The following MAPK8 variants were observed in gnomAD, a reference collection of about 807,000 sequenced individuals.
The protein encoded by MAPK8 is mitogen-activated protein kinase 8.
Under a neutral mutation model 52.9 loss-of-function variants are expected in MAPK8, and 13 were observed. The observed-to-expected ratio is 0.25, with a 90% CI of 0.16 to 0.39. The LOEUF is 0.39. Ranked by LOEUF, MAPK8 falls within the 10% of genes least tolerant of loss-of-function variation. The pLI is 1.00. For synonymous variants in MAPK8, 191 were observed against 169.8 expected (o/e 1.12, Z -0.97); for missense variants, 300 against 519.2 (o/e 0.58, Z 4.10).
Position 48,415,104 on chromosome 10 carries a change from A to G in MAPK8, c.450+4936A>G, listed in dbSNP as rs564375593. 2.2e-4 allele frequency among the ~76,000 whole-genome samples: 33 copies of G among 152,294 alleles called. No homozygotes were observed. The South Asian group carries it at 5.0e-3, about 23-fold the overall frequency. On this transcript the variant is annotated intron_variant, in intron 5 of 11. Coordinates refer to ENST00000374189, the MANE Select transcript of MAPK8 (RefSeq NM_001323329.2). ...AGTGAATTCCTTGTATATTACATAT[A>G]CAGCTGCTCTAATCATTTGTCTAAT... is the stretch of plus-strand genomic sequence containing the variant.
chr10:48,434,091 G>A (rs1849434145), intron 11 of MAPK8, among the ~76,000 whole-genome samples: 1 of 152,154 alleles, frequency 6.6e-6, no homozygotes, highest in Admixed American at 6.5e-5. Flanking sequence ...GAGGATTTCT[G>A]TCTCGAGCTC....
chr10:48,419,547 G>A (rs2043236083), intron 5 of MAPK8, among the ~76,000 whole-genome samples: 1 of 152,132 alleles, frequency 6.6e-6, no homozygotes, highest in Admixed American at 6.5e-5. Context: ...TGGCACCAAG[G>A]CAATGGTGTC....
intron 1 of MAPK8, among the ~76,000 whole-genome samples, chr10:48,383,525 A>G (rs2041137811): frequency 6.6e-6 from 1 of 152,226 alleles, no homozygotes; most frequent in Admixed American, 6.5e-5. Context: ...GTTGTTCTAA[A>G]GAATTTTAAC....
chr10:48,403,064 G>T (rs1266412466), intron 2 of MAPK8, among the ~76,000 whole-genome samples: 5 of 152,080 alleles, frequency 3.3e-5, no homozygotes, highest in African/African-American at 4.8e-5. Flanking sequence ...ATGTACAAAA[G>T]ATTAAAACAT....
intron 5 of MAPK8, among the ~76,000 whole-genome samples, chr10:48,415,460 A>G (rs2043013428): frequency 6.6e-6 from 1 of 152,234 alleles, no homozygotes; most frequent in Non-Finnish European, 1.5e-5. Context: ...CAAAAGAGCA[A>G]TATTTATGGT....
chr10:48,424,687 T>C (rs1218293531), intron 7 of MAPK8: 2 of 618,764 alleles, frequency 3.2e-6, no homozygotes, highest in Non-Finnish European at 5.4e-6. Context: ...CCCTAATATA[T>C]TGTTAAATTA....
intron 5 of MAPK8, among the ~76,000 whole-genome samples, chr10:48,412,118 T>C (rs1295516762): frequency 6.6e-6 from 1 of 152,220 alleles, no homozygotes; most frequent in African/African-American, 2.4e-5. Flanking sequence ...AGTGCTGGGA[T>C]TACAGGCGTG....
Position 48,434,957 on chromosome 10 carries a change from A to C in MAPK8, c.1212A>C (p.Thr404=), listed in dbSNP as rs753537417. Residue 404 remains threonine, a synonymous_variant, in exon 12 of 12, where the codon ACA becomes ACC. Transcript: ENST00000374189. The stretch of plus-strand genomic sequence containing the variant: ...TCAATGATGTGTCTTCAATGTCAAC[A>C]GATCCGACTTTGGCCTCTGATACAG... ...SSVNDVSSMS[T]DPTLASDTDS... 12 of 1,604,020 alleles carry C rather than the reference A, an allele frequency of 7.5e-6. No individual in the cohort carries two copies. Among genetic ancestry groups the C allele is most frequent in the Non-Finnish European group, 1.0e-5 (12 of 1,174,254 alleles).
At chr10:48,361,884 C>A (rs1406726883) in intron 1 of MAPK8, among the ~76,000 whole-genome samples, 1 of 152,184 alleles carries the variant, frequency 6.6e-6, no homozygotes, top group Non-Finnish European at 1.5e-5. Flanking sequence ...CACTACCCTT[C>A]CTGGCATGCA....
chr10:48,401,109 T>A (rs565777309), intron 1 of MAPK8, among the ~76,000 whole-genome samples: 1 of 152,210 alleles, frequency 6.6e-6, no homozygotes. Flanking sequence ...GTACCCTTTG[T>A]TTTTTAGGCA....
chr10:48,351,395 C>T (rs1470976731), intron 1 of MAPK8, among the ~76,000 whole-genome samples: 2 of 151,212 alleles, frequency 1.3e-5, no homozygotes, highest in Non-Finnish European at 2.9e-5. Flanking sequence ...CCGCCTCAGC[C>T]TCCTGAGGTC....
At chr10:48,425,834 A>AACACATT in intron 7 of MAPK8, 54 bp from the exon 8 acceptor site, 1 of 984,236 alleles carries the variant, frequency 1.0e-6, no homozygotes, top group Non-Finnish European at 1.5e-6. Context: ...TATGAATATG[A>AACACATT]CTAATGTATT....
intron 1 of MAPK8, among the ~76,000 whole-genome samples, chr10:48,382,817 A>G (rs2041080710): frequency 6.8e-6 from 1 of 147,044 alleles, no homozygotes; most frequent in African/African-American, 2.5e-5. Context: ...TATTATATAT[A>G]TGACTCAGGC....
chr10:48,384,625 A>G (rs1404990863), intron 1 of MAPK8, among the ~76,000 whole-genome samples: 1 of 152,250 alleles, frequency 6.6e-6, no homozygotes, highest in African/African-American at 2.4e-5. Flanking sequence ...CCCCTAGGTT[A>G]AAGACCTCTT....
intron 1 of MAPK8, among the ~76,000 whole-genome samples, chr10:48,337,805 G>C (rs1013969109): frequency 6.6e-6 from 1 of 152,110 alleles, no homozygotes; most frequent in Non-Finnish European, 1.5e-5. Context: ...GATCCTTAGA[G>C]ACTACTGTGG....
At chr10:48,402,042 G>A (rs1040174943) in intron 2 of MAPK8, among the ~76,000 whole-genome samples, 3 of 152,048 alleles carry the variant, frequency 2.0e-5, no homozygotes, top group African/African-American at 7.2e-5. Context: ...ATTTGCATTG[G>A]TTGAGCATTC....
intron 1 of MAPK8, among the ~76,000 whole-genome samples, chr10:48,330,266 C>A (rs908727559): frequency 4.6e-5 from 7 of 152,046 alleles, no homozygotes; most frequent in Non-Finnish European, 1.0e-4. Flanking sequence ...TATAAGTATG[C>A]TAAGACTGCC....
chr10:48,402,106 T>C (rs1455348473), intron 2 of MAPK8, among the ~76,000 whole-genome samples: 1 of 152,170 alleles, frequency 6.6e-6, no homozygotes. Context: ...ATCATGTCAG[T>C]GCCCCCAAAA....
chr10:48,386,727 G>C (rs1444943914), intron 1 of MAPK8, among the ~76,000 whole-genome samples: 1 of 152,170 alleles, frequency 6.6e-6, no homozygotes, highest in African/African-American at 2.4e-5. Context: ...ACTTTCGGAG[G>C]CCAAGGCAGG....
Sources: allele counts gnomAD v4.1 joint callset (sites outside exome capture counted in the v4.1 genomes callset), GRCh38; gene constraint gnomAD v4.1.1; transcripts MANE v1.5; gene names NCBI Gene and HGNC (gene_info 2026-07-23, HGNC 2026-07-21).